Variants in COX14 observed in about 807,000 individuals in gnomAD.
The protein encoded by COX14 is cytochrome c oxidase assembly protein COX14.
COX14 carries 3 observed loss-of-function variants against 5.8 expected under a neutral mutation model. The observed-to-expected ratio is 0.51, with a 90% CI of 0.23 to 1.33. The LOEUF is 1.33. Ranked by LOEUF, COX14 falls within the 40% of genes most tolerant of loss-of-function variation. The pLI, the probability that COX14 is intolerant of heterozygous loss-of-function variation, is 0.18. For synonymous variants in COX14, 25 were observed against 26.1 expected, an observed-to-expected ratio of 0.96 and a Z score of 0.13; for missense variants, 72 against 72.1, an observed-to-expected ratio of 1.00 and a Z score of 0.01.
At chr12:50,118,447 G>A in intron 1 of COX14, 1 of 985,046 alleles carries the variant, frequency 1.0e-6, no homozygotes, top group Middle Eastern at 5.2e-4. Context: ...TGGACATCAT[G>A]CTCTGGTTGT....
rs1208954786 is a variant in COX14 at position 50,120,314 on chromosome 12, G to C, written c.*97G>C. ...TCCAGGTCAACAGGACTAGAGCGTT[G>C]ATGGTTTTCAAACCCTGTTGGAAGA... On this transcript the variant is annotated 3_prime_UTR_variant, in exon 2 of 2. Coordinates refer to ENST00000550487, the MANE Select transcript of COX14 (RefSeq NM_032901.4). 2.8e-6 allele frequency: 3 copies of C among 1,073,700 alleles called. No homozygotes were observed. Among genetic ancestry groups the C allele is most frequent in the Non-Finnish European group, 4.0e-6 (3 of 745,322 alleles). 66.5% of individuals were successfully genotyped at this position (1,073,700 alleles called of 1,614,324 possible). A position where few individuals can be genotyped will look rare whatever the true frequency, so the allele number is the denominator to read the frequency against.
At chr12:50,117,788 A>G (rs1170866154) in intron 1 of COX14, among the ~76,000 whole-genome samples, 2 of 141,054 alleles carry the variant, frequency 1.4e-5, no homozygotes, top group African/African-American at 5.4e-5. Flanking sequence ...CTCTGTCACC[A>G]GGCTGGAGTG....
At chr12:50,118,463 C>G (rs898856014) in intron 1 of COX14, 1 of 984,090 alleles carries the variant, frequency 1.0e-6, no homozygotes, top group African/African-American at 1.7e-5. Context: ...GTTGTTGTTT[C>G]TTTAAAAATA....
At chr12:50,119,390 C>T (rs887481406) in intron 1 of COX14, among the ~76,000 whole-genome samples, 1 of 152,208 alleles carries the variant, frequency 6.6e-6, no homozygotes, top group Non-Finnish European at 1.5e-5. Context: ...CTTAATGTTA[C>T]CAGTTAGAGC....
chr12:50,112,629 G>A (rs577469838), intron 1 of COX14: 2 of 247,648 alleles, frequency 8.1e-6, no homozygotes, highest in Non-Finnish European at 1.3e-5. Context: ...GGCTCTCCGG[G>A]GCACCCTTCG....
In COX14 at chr12:50,120,264, T is replaced by G. The variant is rs1592312626; in HGVS notation, c.*47T>G. The G allele has an allele frequency of 6.6e-7, 1 of 1,511,608 alleles. No individual in the cohort carries two copies. The highest frequency in any genetic ancestry group is 9.1e-7 in the Non-Finnish European group (1 of 1,103,952). 93.6% of individuals were successfully genotyped at this position (1,511,608 alleles called of 1,614,324 possible). A position where few individuals can be genotyped will look rare whatever the true frequency, so the allele number is the denominator to read the frequency against. On this transcript the variant is annotated 3_prime_UTR_variant, in exon 2 of 2. Coordinates refer to ENST00000550487, the MANE Select transcript of COX14 (RefSeq NM_032901.4). ...GAGCAGAGAGGCCCAAGGCATGCTG[T>G]GGAGAGACTTCACCTGCCACCATTT...
chr12:50,116,135 C>G (rs933984180), intron 1 of COX14, among the ~76,000 whole-genome samples: 3 of 149,242 alleles, frequency 2.0e-5, no homozygotes, highest in Non-Finnish European at 4.4e-5. Context: ...CTCTGTCCCC[C>G]ATGCTGGAGT....
At position 50,120,241 on chromosome 12, in the gene COX14, G is replaced by A. The variant is rs770655720; in HGVS notation, c.*24G>A. ...AGAACTGGGGGGCTTTTTCTCCTGA[G>A]CAGAGAGGCCCAAGGCATGCTGTGG... On this transcript the variant is annotated 3_prime_UTR_variant, in exon 2 of 2. Transcript: ENST00000550487. The A allele has an allele frequency of 1.4e-5, 22 of 1,604,462 alleles. No homozygotes were observed. Among genetic ancestry groups the A allele is most frequent in the Non-Finnish European group, 1.7e-5 (20 of 1,174,170 alleles).
At chr12:50,115,440 C>T (rs1951072505) in intron 1 of COX14, among the ~76,000 whole-genome samples, 1 of 151,808 alleles carries the variant, frequency 6.6e-6, no homozygotes, top group African/African-American at 2.4e-5. Flanking sequence ...TGGTCTCGAT[C>T]TCCTGACCTC....
chr12:50,113,290 A>G (rs1293815886), intron 1 of COX14, among the ~76,000 whole-genome samples: 1 of 149,760 alleles, frequency 6.7e-6, no homozygotes, highest in Non-Finnish European at 1.5e-5. Flanking sequence ...ACTTCTACCC[A>G]TACGTTTACG....
At chr12:50,116,219 A>C in intron 1 of COX14, among the ~76,000 whole-genome samples, 1 of 151,680 alleles carries the variant, frequency 6.6e-6, no homozygotes, top group East Asian at 1.9e-4. Context: ...CAGCCTCCTG[A>C]GTAGCTGGGG....
chr12:50,117,399 C>T (rs1303520829), intron 1 of COX14, among the ~76,000 whole-genome samples: 1 of 152,016 alleles, frequency 6.6e-6, no homozygotes, highest in Admixed American at 6.6e-5. Flanking sequence ...TTAAGTGTCT[C>T]TGCCTACAGT....
At chr12:50,119,050 T>G (rs1292324549) in intron 1 of COX14, among the ~76,000 whole-genome samples, 1 of 152,222 alleles carries the variant, frequency 6.6e-6, no homozygotes, top group African/African-American at 2.4e-5. Context: ...GTTAACAATT[T>G]GCTGGGGACC....
At chr12:50,118,021 G>A (rs188789287) in intron 1 of COX14, among the ~76,000 whole-genome samples, 2 of 150,282 alleles carry the variant, frequency 1.3e-5, no homozygotes, top group Admixed American at 1.3e-4. Context: ...GGGATTACAG[G>A]CGTGAGCCAC....
intron 1 of COX14, among the ~76,000 whole-genome samples, chr12:50,116,688 G>A (rs529717804): frequency 5.3e-5 from 8 of 152,310 alleles, no homozygotes; most frequent in South Asian, 2.1e-4. Context: ...GCGGCTTAGC[G>A]TTCAGCTCCA....
At chr12:50,112,381 C>T (rs1047353301) in intron 1 of COX14, 80 bp downstream of exon 1, 1 of 985,646 alleles carries the variant, frequency 1.0e-6, no homozygotes, top group Admixed American at 6.1e-5. Flanking sequence ...CCGCTTGCCG[C>T]GTCCTCCCAT....
intron 1 of COX14, among the ~76,000 whole-genome samples, chr12:50,114,770 ATTTTTTTTTTTTTTT>A (rs71083507): frequency 4.2e-5 from 3 of 70,596 alleles, no homozygotes; most frequent in Admixed American, 2.2e-4. Flanking sequence ...GAGTATCTTA[ATTTTTTTTTTTTTTT>A]TTTTTTTTTT....
chr12:50,113,671 C>T (rs1211466897), intron 1 of COX14, among the ~76,000 whole-genome samples: 1 of 151,958 alleles, frequency 6.6e-6, no homozygotes, highest in Non-Finnish European at 1.5e-5. Context: ...CTCGCCCTGT[C>T]GCCCAGGCTG....
In COX14 at chr12:50,120,256, G is replaced by A. The variant is rs1401899095; in HGVS notation, c.*39G>A. On this transcript the variant is annotated 3_prime_UTR_variant, in exon 2 of 2. Coordinates refer to ENST00000550487, the MANE Select transcript of COX14 (RefSeq NM_032901.4). ...TTTCTCCTGAGCAGAGAGGCCCAAG[G>A]CATGCTGTGGAGAGACTTCACCTGC... The A allele has an allele frequency of 6.4e-7, 1 of 1,569,234 alleles. No homozygotes were observed. Among genetic ancestry groups the A allele is most frequent in the Non-Finnish European group, 8.7e-7 (1 of 1,147,012 alleles).
Sources: gnomAD v4.1 joint callset for allele counts (sites outside exome capture counted in the v4.1 genomes callset) on GRCh38, gnomAD v4.1.1 for gene constraint, MANE v1.5 for transcripts, NCBI Gene and HGNC (gene_info 2026-07-23, HGNC 2026-07-21) for gene names.